Variants in EPHA7 observed in about 807,000 individuals in gnomAD.
EPHA7 encodes EPH receptor A7.
EPHA7 carries 25 observed loss-of-function variants against 112.6 expected under a neutral mutation model. The observed-to-expected ratio is 0.22, with a 90% confidence interval of 0.16 to 0.31. EPHA7 has a LOEUF of 0.31. Among genes scored for constraint, EPHA7 ranks in the 10% least tolerant of loss-of-function variants. EPHA7 has a pLI of 1.00. For synonymous variants in EPHA7, 437 were observed against 406.5 expected (o/e 1.07, Z -0.90); for missense variants, 962 against 1,212.6 (o/e 0.79, Z 3.07).
At chr6:93,347,306 T>C (rs2127931186) in intron 5 of EPHA7, among the ~76,000 whole-genome samples, 1 of 151,984 alleles carries the variant, frequency 6.6e-6, no homozygotes, top group Non-Finnish European at 1.5e-5. Flanking sequence ...CCTTCTAAAA[T>C]TTATTAGATG....
In EPHA7 at chr6:93,272,263, G is replaced by A. The variant is rs566642035; in HGVS notation, c.1449+35C>T. ...ACAGTAGGATGACATGAGACACACA[G>A]CACATTGTACATTTCAGTTGCTCTT... is the stretch of plus-strand genomic sequence containing the variant. On this transcript the variant is annotated intron_variant, in intron 6 of 16. Transcript: ENST00000369303. The A allele has an allele frequency of 4.4e-6, 7 of 1,608,478 alleles. No homozygotes were observed. The South Asian group carries it at 7.7e-5, about 18-fold the overall frequency.
At chr6:93,267,317 A>G (rs946181931) in intron 7 of EPHA7, among the ~76,000 whole-genome samples, 1 of 151,680 alleles carries the variant, frequency 6.6e-6, no homozygotes, top group Non-Finnish European at 1.5e-5. Context: ...TTTAACTTAA[A>G]CCTCAGAATG....
At chr6:93,305,981 T>G (rs1365080291) in intron 5 of EPHA7, among the ~76,000 whole-genome samples, 1 of 151,878 alleles carries the variant, frequency 6.6e-6, no homozygotes, top group Non-Finnish European at 1.5e-5. Flanking sequence ...TAATAAAATA[T>G]CGGAATATAA....
intron 1 of EPHA7, among the ~76,000 whole-genome samples, chr6:93,417,946 C>T (rs566894941): frequency 3.3e-5 from 5 of 151,840 alleles, no homozygotes; most frequent in Middle Eastern, 3.4e-3. Context: ...GAGGAGTGCA[C>T]GATGAGAATA....
intron 9 of EPHA7, among the ~76,000 whole-genome samples, chr6:93,263,382 A>G (rs994514195): frequency 1.7e-4 from 26 of 151,426 alleles, no homozygotes; most frequent in African/African-American, 6.0e-4. Flanking sequence ...TCTTATTATT[A>G]TACTATTTAT....
intron 3 of EPHA7, among the ~76,000 whole-genome samples, chr6:93,400,487 C>T (rs950683762): frequency 6.6e-6 from 1 of 152,056 alleles, no homozygotes; most frequent in African/African-American, 2.4e-5. Context: ...CCTAATCCCT[C>T]TCCTGGTCCA....
rs573193930 is a variant in EPHA7 at position 93,265,891 on chromosome 6, C to A, written c.1634-1189G>T. ...TAAAGTTTTTTTCAGATTGGCCTTT[C>A]TCTAGTTTGTCTGTCTCCTTTTGAC... On this transcript the variant is annotated intron_variant, in intron 7 of 16. Coordinates refer to ENST00000369303, the MANE Select transcript of EPHA7 (RefSeq NM_004440.4). Among the ~76,000 whole-genome samples the A allele has an allele frequency of 4.6e-5, 7 of 151,670 alleles. No homozygotes were observed. The South Asian group carries it at 1.0e-3, about 22-fold the overall frequency.
chr6:93,400,643 T>C lies in EPHA7; in HGVS notation c.832+9858A>G, dbSNP rs1291444332. On this transcript the variant is annotated intron_variant, in intron 3 of 16. Coordinates refer to ENST00000369303, the MANE Select transcript of EPHA7 (RefSeq NM_004440.4). ...ACCTCAACCTCCTGGGTTGGAGTAA[T>C]CCTCCCAACTCAGCCTCCTGAGTAG... Among the ~76,000 whole-genome samples, 2 of 151,928 alleles carry C rather than the reference T, an allele frequency of 1.3e-5. 1 individual carries two copies. Among genetic ancestry groups the C allele is most frequent in the Non-Finnish European group, 2.9e-5 (2 of 67,984 alleles).
At chr6:93,402,160 T>G (rs577437436) in intron 3 of EPHA7, among the ~76,000 whole-genome samples, 11 of 152,170 alleles carry the variant, frequency 7.2e-5, no homozygotes, top group African/African-American at 2.6e-4. Context: ...CACATTAGTT[T>G]CCTATTTCCT....
chr6:93,389,925 T>C (rs566407197), intron 3 of EPHA7, among the ~76,000 whole-genome samples: 2 of 152,066 alleles, frequency 1.3e-5, no homozygotes, highest in South Asian at 2.1e-4. Context: ...ATGATTCCAG[T>C]TGACATCTTA....
In EPHA7 at chr6:93,357,040, G is replaced by T; in HGVS notation, c.1001C>A (p.Ala334Glu). The T allele has an allele frequency of 6.2e-7, 1 of 1,609,740 alleles. No homozygotes were observed. The change falls in exon 5 of 17, where the codon GCA (alanine) becomes GAA (glutamate). Residue 334 changes from alanine to glutamate, a missense_variant. Transcript: ENST00000369303. ...GATGTTGAAAATGAGGTTCTGTGGT[G>T]CAGATGGAGGCCCTTGGGAAACCAA... ...PYVACTRPPS[A>E]PQNLIFNINQ...
chr6:93,288,235 C>A (rs989920074), intron 5 of EPHA7, among the ~76,000 whole-genome samples: 3 of 152,066 alleles, frequency 2.0e-5, no homozygotes, highest in Non-Finnish European at 4.4e-5. Flanking sequence ...AATAGAAGTG[C>A]TCAATACAAA....
chr6:93,307,126 A>G (rs1373842385), intron 5 of EPHA7, among the ~76,000 whole-genome samples: 1 of 151,970 alleles, frequency 6.6e-6, no homozygotes, highest in African/African-American at 2.4e-5. Flanking sequence ...TCTAAACTGC[A>G]TCTCTTTATA....
At chr6:93,381,647 T>G (rs1239311940) in intron 3 of EPHA7, among the ~76,000 whole-genome samples, 1 of 152,144 alleles carries the variant, frequency 6.6e-6, no homozygotes, top group African/African-American at 2.4e-5. Context: ...TGTCAATGGT[T>G]GTTGGAACAA....
intron 3 of EPHA7, among the ~76,000 whole-genome samples, chr6:93,373,036 T>G (rs987869462): frequency 1.3e-5 from 2 of 152,012 alleles, no homozygotes; most frequent in Non-Finnish European, 2.9e-5. Flanking sequence ...CTTCAACAAT[T>G]GTCAAAATAG....
chr6:93,252,029 T>C (rs907297465), intron 14 of EPHA7, among the ~76,000 whole-genome samples: 1 of 152,018 alleles, frequency 6.6e-6, no homozygotes, highest in Admixed American at 6.6e-5. Context: ...AGTCTGGTCA[T>C]GTATAGGTAT....
At chr6:93,363,918 A>G (rs1418643881) in intron 3 of EPHA7, among the ~76,000 whole-genome samples, 1 of 152,216 alleles carries the variant, frequency 6.6e-6, no homozygotes, top group Non-Finnish European at 1.5e-5. Flanking sequence ...TCTTTAAAAC[A>G]TGCTACATAA....
chr6:93,290,062 T>C (rs918732375), intron 5 of EPHA7, among the ~76,000 whole-genome samples: 1 of 152,128 alleles, frequency 6.6e-6, no homozygotes, highest in Non-Finnish European at 1.5e-5. Context: ...AAAATGCTTA[T>C]AGTTCTTTAT....
intron 7 of EPHA7, 58 bp from the exon 8 acceptor site, chr6:93,264,760 T>TG: frequency 1.1e-6 from 1 of 916,308 alleles, no homozygotes; most frequent in Non-Finnish European, 1.6e-6. Flanking sequence ...ACTTGAAAGG[T>TG]TAAATAAAAT....
Sources: gnomAD v4.1 joint callset for allele counts (sites outside exome capture counted in the v4.1 genomes callset) on GRCh38, gnomAD v4.1.1 for gene constraint, MANE v1.5 for transcripts, NCBI Gene and HGNC (gene_info 2026-07-23, HGNC 2026-07-21) for gene names.